MAGI1: variants seen among roughly 807,000 people sequenced by gnomAD.
MAGI1 encodes membrane-associated guanylate kinase, WW and PDZ domain-containing protein 1.
MAGI1 carries 58 observed loss-of-function variants against 139.9 expected under a neutral mutation model. The ratio of observed to expected loss-of-function variants is 0.41; its 90% confidence interval spans 0.34 to 0.52. The LOEUF is 0.52. Ranked by LOEUF, MAGI1 falls within the 20% of genes least tolerant of loss-of-function variation. The probability of loss-of-function intolerance (pLI) is 0.12; values close to 1 mark genes in which losing one functional copy is unlikely to be tolerated. For synonymous variants in MAGI1, 812 were observed against 737.9 expected (o/e 1.10, Z -1.63); for missense variants, 1,874 against 1,901.6 (o/e 0.99, Z 0.27).
In MAGI1 at chr3:65,390,420, C is replaced by G. The variant is rs537117298; in HGVS notation, c.2416+722G>C. Among the ~76,000 whole-genome samples the G allele has an allele frequency of 2.6e-5, 4 of 152,156 alleles. No homozygotes were observed. In the South Asian group the frequency reaches 8.3e-4, roughly 32 times the overall value. On this transcript the variant is annotated intron_variant, in intron 14 of 22. Coordinates refer to ENST00000402939, the MANE Select transcript of MAGI1 (RefSeq NM_001033057.2). The stretch of plus-strand genomic sequence containing the variant: ...CCCAACAACAACAATCAATTTGCAT[C>G]GCCTAAAATTAAGGCATTTTTAGGA...
At chr3:65,443,303 T>G (rs1948469449) in intron 7 of MAGI1, among the ~76,000 whole-genome samples, 1 of 152,202 alleles carries the variant, frequency 6.6e-6, no homozygotes, top group African/African-American at 2.4e-5. Flanking sequence ...AAAATCTGCA[T>G]GTTATCTTCT....
intron 1 of MAGI1, among the ~76,000 whole-genome samples, chr3:66,003,264 A>G (rs1396230206): frequency 6.6e-6 from 1 of 152,068 alleles, no homozygotes; most frequent in Non-Finnish European, 1.5e-5. Context: ...GCCATTCGCC[A>G]CCACCTCCCC....
intron 2 of MAGI1, among the ~76,000 whole-genome samples, chr3:65,521,436 G>GC (rs1435798880): frequency 1.3e-5 from 2 of 152,146 alleles, no homozygotes; most frequent in Admixed American, 6.6e-5. Context: ...CGATTTAGGA[G>GC]CAAGTACAAG....
intron 12 of MAGI1, chr3:65,401,683 A>G: frequency 3.2e-6 from 5 of 1,542,530 alleles, no homozygotes; most frequent in Non-Finnish European, 4.4e-6. Context: ...ATCTATCTGC[A>G]TTAGCTATGC....
At chr3:65,709,046 A>G (rs1244626575) in intron 1 of MAGI1, among the ~76,000 whole-genome samples, 2 of 152,242 alleles carry the variant, frequency 1.3e-5, no homozygotes, top group Non-Finnish European at 2.9e-5. Flanking sequence ...AAGAGGGACA[A>G]GCCTGCACAT....
chr3:65,448,624 C>A (rs1210958860), intron 6 of MAGI1, among the ~76,000 whole-genome samples: 2 of 151,614 alleles, frequency 1.3e-5, no homozygotes, highest in African/African-American at 4.9e-5. Context: ...TAAAATATAT[C>A]AAAGAAGAAA....
At chr3:65,574,194 T>G (rs1441472715) in intron 2 of MAGI1, among the ~76,000 whole-genome samples, 1 of 151,482 alleles carries the variant, frequency 6.6e-6, no homozygotes, top group African/African-American at 2.4e-5. Flanking sequence ...TTTTTAACTT[T>G]TATTTTAGGT....
At chr3:65,498,645 A>G (rs555668876) in intron 2 of MAGI1, among the ~76,000 whole-genome samples, 33 of 152,324 alleles carry the variant, frequency 2.2e-4, no homozygotes, top group African/African-American at 7.9e-4. Context: ...AAGGTCACAT[A>G]ACAAGTTGGG....
Position 65,427,546 on chromosome 3 carries a change from A to G in MAGI1, c.2167+1974T>C, listed in dbSNP as rs560409539. ...AGAACAAGGTGGTTTGTGTCTGTCAAATGAGCAGTGGCTGAATCAGAGGTG... is the reference window on the plus strand; with the variant it reads ...AGAACAAGGTGGTTTGTGTCTGTCAGATGAGCAGTGGCTGAATCAGAGGTG... On this transcript the variant is annotated intron_variant, in intron 12 of 22. Coordinates refer to ENST00000402939, the MANE Select transcript of MAGI1 (RefSeq NM_001033057.2). 2.6e-5 allele frequency among the ~76,000 whole-genome samples: 4 copies of G among 152,308 alleles called. No homozygotes were observed. The East Asian group carries it at 7.7e-4, about 29-fold the overall frequency.
At chr3:65,407,653 A>G (rs910646980) in intron 12 of MAGI1, among the ~76,000 whole-genome samples, 4 of 152,234 alleles carry the variant, frequency 2.6e-5, no homozygotes, top group Non-Finnish European at 4.4e-5. Flanking sequence ...TCATTGTTAA[A>G]AAGTGGATAT....
chr3:65,731,599 G>A (rs1265859070), intron 1 of MAGI1, among the ~76,000 whole-genome samples: 2 of 150,660 alleles, frequency 1.3e-5, no homozygotes, highest in Admixed American at 6.6e-5. Flanking sequence ...AGGCTGCAGT[G>A]AGCTGTGATT....
chr3:65,986,433 G>A (rs2065882174), intron 1 of MAGI1, among the ~76,000 whole-genome samples: 2 of 152,208 alleles, frequency 1.3e-5, no homozygotes, highest in Non-Finnish European at 2.9e-5. Flanking sequence ...CAATTGCTAA[G>A]CTCTATTAAC....
intron 17 of MAGI1, among the ~76,000 whole-genome samples, chr3:65,377,263 T>C (rs1942625759): frequency 6.6e-6 from 1 of 152,174 alleles, no homozygotes; most frequent in Non-Finnish European, 1.5e-5. Flanking sequence ...TAGAATACAA[T>C]AGGTAGGTGT....
chr3:65,852,418 C>T (rs1409955317), intron 1 of MAGI1, among the ~76,000 whole-genome samples: 1 of 152,108 alleles, frequency 6.6e-6, no homozygotes, highest in Non-Finnish European at 1.5e-5. Flanking sequence ...TAAAACTCTA[C>T]CCAGTAGGTA....
At chr3:65,920,813 G>T (rs1197989907) in intron 1 of MAGI1, among the ~76,000 whole-genome samples, 1 of 152,094 alleles carries the variant, frequency 6.6e-6, no homozygotes, top group African/African-American at 2.4e-5. Context: ...GGTGGATCAC[G>T]AGGTCAGGGG....
At chr3:65,470,998 G>A (rs1256291862) in intron 4 of MAGI1, among the ~76,000 whole-genome samples, 1 of 152,132 alleles carries the variant, frequency 6.6e-6, no homozygotes, top group African/African-American at 2.4e-5. Context: ...GGTAGACACT[G>A]GCAAAGATCA....
rs115328169 is a variant in MAGI1, at chr3:65,406,964, C to T, written c.2168-5494G>A. ...AGATAAAAGTACTTCTGAGCACAAT[C>T]TCAGACCACATGAGCCTTCTCTGTT... On this transcript the variant is annotated intron_variant, in intron 12 of 22. Transcript: ENST00000402939. 6.3e-3 allele frequency among the ~76,000 whole-genome samples: 955 copies of T among 152,268 alleles called. 9 individuals are homozygous for T. Among genetic ancestry groups the T allele is most frequent in the African/African-American group, 0.021 (887 of 41,550 alleles).
chr3:65,861,554 C>A (rs189049191), intron 1 of MAGI1, among the ~76,000 whole-genome samples: 2 of 152,228 alleles, frequency 1.3e-5, no homozygotes, highest in East Asian at 3.9e-4. Flanking sequence ...GGAAAATAGA[C>A]TCCAGAAGAG....
At chr3:65,402,114 T>A (rs1944947113) in intron 12 of MAGI1, among the ~76,000 whole-genome samples, 1 of 152,140 alleles carries the variant, frequency 6.6e-6, no homozygotes, top group African/African-American at 2.4e-5. Context: ...CACATGTCTG[T>A]CTCAACGTCT....
Sources: gnomAD v4.1 joint callset for allele counts (sites outside exome capture counted in the v4.1 genomes callset) on GRCh38, gnomAD v4.1.1 for gene constraint, MANE v1.5 for transcripts, NCBI Gene and HGNC (gene_info 2026-07-23, HGNC 2026-07-21) for gene names.